Variants in NCOA3 observed in about 807,000 individuals in gnomAD.
NCOA3 encodes the protein nuclear receptor coactivator 3.
A neutral mutation model predicts 158.8 loss-of-function variants in NCOA3; 51 were observed. The observed-to-expected ratio is 0.32, with a 90% CI of 0.26 to 0.41. The LOEUF is 0.41. Ranked by LOEUF, NCOA3 falls within the 10% of genes least tolerant of loss-of-function variation. The pLI is 1.00. For missense variants in NCOA3, 1,510 were observed against 1,746.6 expected, an observed-to-expected ratio of 0.86 and a Z score of 2.41; for synonymous variants, 537 against 592.4, an observed-to-expected ratio of 0.91 and a Z score of 1.36.
In NCOA3 at chr20:47,634,209, A is replaced by G. The variant is rs201349766; in HGVS notation, c.1112+14A>G. On this transcript the variant is annotated intron_variant, in intron 10 of 22. Transcript: ENST00000371998. ...CTTCCTTCAGAGGTAATGATAGATT[A>G]CTGTGTATTCTAATACAAAATGCAG... is the stretch of plus-strand genomic sequence containing the variant. 61 of 1,608,934 alleles carry G rather than the reference A, an allele frequency of 3.8e-5. No homozygotes were observed. Among genetic ancestry groups the G allele is most frequent in the Admixed American group, 3.5e-4 (21 of 59,684 alleles).
chr20:47,553,415 T>C (rs914858961), intron 1 of NCOA3, among the ~76,000 whole-genome samples: 1 of 152,090 alleles, frequency 6.6e-6, no homozygotes, highest in African/African-American at 2.4e-5. Context: ...ATTATTATTA[T>C]ACTTTAAGTT....
intron 18 of NCOA3, among the ~76,000 whole-genome samples, chr20:47,648,789 T>A (rs1602544093): frequency 6.6e-6 from 1 of 152,156 alleles, no homozygotes; most frequent in Admixed American, 6.5e-5. Flanking sequence ...TACTTTTTTT[T>A]CCCCAGTGCC....
chr20:47,562,652 T>A (rs1302299443), intron 1 of NCOA3, among the ~76,000 whole-genome samples: 2 of 152,132 alleles, frequency 1.3e-5, no homozygotes, highest in African/African-American at 2.4e-5. Flanking sequence ...CCTAGGAATG[T>A]ATATAAATCA....
intron 2 of NCOA3, among the ~76,000 whole-genome samples, chr20:47,598,552 GTCTC>G (rs905998446): frequency 3.3e-5 from 5 of 152,054 alleles, no homozygotes; most frequent in Non-Finnish European, 1.5e-5. Context: ...GGCCAAGCTG[GTCTC>G]GAACTCCTGA....
At chr20:47,615,494 C>T (rs746336355) in intron 2 of NCOA3, among the ~76,000 whole-genome samples, 9 of 152,182 alleles carry the variant, frequency 5.9e-5, no homozygotes, top group Admixed American at 2.0e-4. Flanking sequence ...CTGTCTTAAT[C>T]CCAAATAACC....
At chr20:47,587,409 A>G (rs903916274) in intron 2 of NCOA3, among the ~76,000 whole-genome samples, 13 of 152,340 alleles carry the variant, frequency 8.5e-5, no homozygotes, top group East Asian at 1.9e-4. Flanking sequence ...GGATAGAGCT[A>G]GGAAATAATA....
intron 1 of NCOA3, among the ~76,000 whole-genome samples, chr20:47,505,035 C>T (rs375501494): frequency 2.0e-4 from 1 of 5,086 alleles, no homozygotes; most frequent in Non-Finnish European, 3.5e-4. Flanking sequence ...TTTTTGCGGG[C>T]AGGGGCGTTT....
chr20:47,515,510 A>G (rs1229298137), intron 1 of NCOA3, among the ~76,000 whole-genome samples: 3 of 128,680 alleles, frequency 2.3e-5, no homozygotes, highest in Non-Finnish European at 4.8e-5. Context: ...AAGACAGGTC[A>G]CTGGGTCACT....
At chr20:47,560,833 A>T (rs538617763) in intron 1 of NCOA3, among the ~76,000 whole-genome samples, 29 of 151,876 alleles carry the variant, frequency 1.9e-4, no homozygotes, top group Middle Eastern at 3.4e-3. Context: ...TGATTTAAAA[A>T]TTTTTTTTAT....
At position 47,651,085 on chromosome 20, in the gene NCOA3, AGCAGCAACAGCAGCAGCAGCAG is replaced by A; in HGVS notation, c.3756_3777del (p.Gln1252HisfsTer28). 6.3e-7 allele frequency: 1 copy of A among 1,585,744 alleles called. No homozygotes were observed. Among genetic ancestry groups the A allele is most frequent in the Non-Finnish European group, 8.6e-7 (1 of 1,163,324 alleles). On this transcript the variant is annotated frameshift_variant, in exon 20 of 23. Coordinates refer to ENST00000371998, the MANE Select transcript of NCOA3 (RefSeq NM_181659.3). LOFTEE classifies it high-confidence loss of function. The stretch of plus-strand genomic sequence containing the variant: ...GCTATGATGATGCAGCAGCAGCAGC[AGCAGCAACAGCAGCAGCAGCAG>A]CAGCAGCAGCAGCAACAGCAACAGC...
intron 17 of NCOA3, among the ~76,000 whole-genome samples, chr20:47,645,014 A>G (rs2086666360): frequency 6.6e-6 from 1 of 151,988 alleles, no homozygotes; most frequent in Non-Finnish European, 1.5e-5. Context: ...CCAAATTTCC[A>G]CATGTAGAGT....
chr20:47,620,743 T>C (rs2086227088), intron 2 of NCOA3, among the ~76,000 whole-genome samples: 1 of 152,254 alleles, frequency 6.6e-6, no homozygotes, highest in African/African-American at 2.4e-5. Context: ...TTAAGTGTAT[T>C]AATATTGACA....
At position 47,624,048 on chromosome 20, in the gene NCOA3, A is replaced by C. The variant is rs1304882918; in HGVS notation, c.221A>C (p.Glu74Ala). 3.1e-6 allele frequency: 5 copies of C among 1,612,642 alleles called. No individual in the cohort carries two copies. Among genetic ancestry groups the C allele is most frequent in the Non-Finnish European group, 4.2e-6 (5 of 1,179,612 alleles). ...CCAGATAAATGTGCGATTTTAAAGG[A>C]AACAGTAAGACAGATACGTCAAATA... Reference protein sequence around the residue: ...VKPDKCAILKETVRQIRQIKE... With the variant: ...VKPDKCAILKATVRQIRQIKE... The change falls in exon 4 of 23, where the codon GAA (glutamate) becomes GCA (alanine). Residue 74 changes from glutamate to alanine, a missense_variant. By Grantham distance (107) the Glu-to-Ala change is moderately radical. Transcript: ENST00000371998.
At chr20:47,575,846 A>G (rs2085365528) in intron 1 of NCOA3, among the ~76,000 whole-genome samples, 1 of 152,238 alleles carries the variant, frequency 6.6e-6, no homozygotes, top group South Asian at 2.1e-4. Context: ...TTAATAGTAG[A>G]GCAGTTAATA....
chr20:47,631,934 T>C (rs1452862322), intron 8 of NCOA3, among the ~76,000 whole-genome samples: 1 of 152,236 alleles, frequency 6.6e-6, no homozygotes, highest in Admixed American at 6.5e-5. Flanking sequence ...GATGTATTTT[T>C]TTCTACACTA....
At chr20:47,648,476 A>G (rs1258780064) in intron 18 of NCOA3, among the ~76,000 whole-genome samples, 6 of 150,590 alleles carry the variant, frequency 4.0e-5, no homozygotes, top group Non-Finnish European at 5.9e-5. Context: ...TATATATAAA[A>G]TTTATTTATT....
intron 2 of NCOA3, among the ~76,000 whole-genome samples, chr20:47,602,654 C>G (rs1434605810): frequency 1.3e-5 from 2 of 152,104 alleles, no homozygotes; most frequent in East Asian, 3.8e-4. Flanking sequence ...TTTTCATTTC[C>G]AGACATGATT....
chr20:47,585,544 C>G (rs548892006), intron 2 of NCOA3, among the ~76,000 whole-genome samples: 2 of 152,282 alleles, frequency 1.3e-5, no homozygotes, highest in African/African-American at 4.8e-5. Context: ...CAGGCTTTAT[C>G]TGGCTTTCTA....
At chr20:47,509,258 G>A (rs916866599) in intron 1 of NCOA3, among the ~76,000 whole-genome samples, 10 of 152,072 alleles carry the variant, frequency 6.6e-5, no homozygotes, top group Non-Finnish European at 1.5e-4. Flanking sequence ...GCCGGGCATG[G>A]TGATGTGCGC....
Sources: allele counts gnomAD v4.1 joint callset (sites outside exome capture counted in the v4.1 genomes callset), GRCh38; gene constraint gnomAD v4.1.1; transcripts MANE v1.5; gene names NCBI Gene and HGNC (gene_info 2026-07-23, HGNC 2026-07-21).